Variants in HSDL1 observed in about 807,000 individuals in gnomAD.
The protein encoded by HSDL1 is inactive hydroxysteroid dehydrogenase-like protein 1.
HSDL1 carries 29 observed loss-of-function variants against 31.5 expected under a neutral mutation model. The observed-to-expected ratio is 0.92, with a 90% CI of 0.69 to 1.26. The LOEUF is 1.26. Ranked by LOEUF, HSDL1 falls within the 50% of genes most tolerant of loss-of-function variation. The probability of loss-of-function intolerance (pLI) is 0.00; values close to 1 mark genes in which losing one functional copy is unlikely to be tolerated. For missense variants in HSDL1, 503 were observed against 416.6 expected, an observed-to-expected ratio of 1.21 and a Z score of -1.81; for synonymous variants, 222 against 155.2, an observed-to-expected ratio of 1.43 and a Z score of -3.20.
Position 84,124,687 on chromosome 16 carries a change from C to A in HSDL1, c.936G>T (p.Trp312Cys). 6.2e-7 allele frequency: 1 copy of A among 1,613,784 alleles called. No individual in the cohort carries two copies. The highest frequency in any genetic ancestry group is 1.1e-5 in the South Asian group (1 of 91,050). Residue 312 changes from tryptophan (W) to cysteine (C), a missense_variant, in exon 6 of 6, where the codon TGG becomes TGT. Coordinates refer to ENST00000219439, the MANE Select transcript of HSDL1 (RefSeq NM_031463.5). ...GTGAACGGTTGAGAATATTTGCTCC[C>A]CACACCCAGAGCCATTCAGGCATAT... is the stretch of plus-strand genomic sequence containing the variant. ...AQYMPEWLWV[W>C]GANILNRSLR...
chr16:84,136,783 T>G (rs1469893276), intron 1 of HSDL1, among the ~76,000 whole-genome samples: 1 of 152,236 alleles, frequency 6.6e-6, no homozygotes, highest in Non-Finnish European at 1.5e-5. Context: ...TGTTGCTATG[T>G]ATATTTTAAA....
intron 1 of HSDL1, among the ~76,000 whole-genome samples, chr16:84,138,508 T>C (rs190025694): frequency 1.3e-4 from 20 of 152,342 alleles, no homozygotes; most frequent in African/African-American, 4.3e-4. Flanking sequence ...AGGTGATGAA[T>C]GTGTTAACTA....
intron 1 of HSDL1, among the ~76,000 whole-genome samples, chr16:84,141,090 C>CAAAAAAAA (rs553224060): frequency 2.2e-5 from 3 of 136,132 alleles, no homozygotes; most frequent in African/African-American, 1.1e-4. Context: ...GACTCCGTCT[C>CAAAAAAAA]AAACAAAAAA....
rs753618067 is a variant in HSDL1 at position 84,129,614 on chromosome 16, T to A, written c.828A>T (p.Ala276=). Residue 276 remains alanine, a synonymous_variant, in exon 5 of 6, where the codon GCA becomes GCT. Coordinates refer to ENST00000219439, the MANE Select transcript of HSDL1 (RefSeq NM_031463.5). ...SWLVPSPKVY[A]HHAVSTLGIS... is the part of the protein sequence containing the mutation. ...TCCCAAGAGTAGAAACAGCATGATG[T>A]GCATAGACTTTTGGCGAAGGCACCA... The A allele has an allele frequency of 3.7e-6, 6 of 1,614,208 alleles. No homozygotes were observed. The highest frequency in any genetic ancestry group is 5.1e-6 in the Non-Finnish European group (6 of 1,180,048).
intron 1 of HSDL1, among the ~76,000 whole-genome samples, chr16:84,143,827 T>C (rs2086798267): frequency 7.0e-6 from 1 of 143,408 alleles, no homozygotes; most frequent in Non-Finnish European, 1.5e-5. Flanking sequence ...CGAAACCCCG[T>C]CTCTACTAAA....
intron 5 of HSDL1, among the ~76,000 whole-genome samples, chr16:84,128,582 T>C (rs1057280512): frequency 1.3e-5 from 2 of 152,218 alleles, no homozygotes; most frequent in African/African-American, 4.8e-5. Flanking sequence ...TGTGGTTTTG[T>C]GGTTTTTTTG....
intron 1 of HSDL1, among the ~76,000 whole-genome samples, chr16:84,141,390 A>T (rs572260416): frequency 6.7e-6 from 1 of 150,348 alleles, no homozygotes; most frequent in East Asian, 2.0e-4. Flanking sequence ...CTGCTGGTTC[A>T]GATACACCAC....
Position 84,131,258 on chromosome 16 carries a change from T to C in HSDL1, c.64A>G (p.Met22Val). ...GCTCCAACCAAAGCTAGAGCTTCCA[T>C]ATAGCAATTGCAAGACCTGGCGATT... is the stretch of plus-strand genomic sequence containing the variant. Reference protein sequence around the residue: ...REIARSCNCYMEALALVGAWY... With the variant: ...REIARSCNCYVEALALVGAWY... Residue 22 changes from methionine (M) to valine (V), a missense_variant, in exon 3 of 6, where the codon ATG becomes GTG. Met to Val is a conservative substitution (Grantham distance 21, BLOSUM62 1). Coordinates refer to ENST00000219439, the MANE Select transcript of HSDL1 (RefSeq NM_031463.5). 2 of 1,614,136 alleles carry C rather than the reference T, an allele frequency of 1.2e-6. No homozygotes were observed. The highest frequency in any genetic ancestry group is 1.7e-6 in the Non-Finnish European group (2 of 1,180,014).
In HSDL1 at chr16:84,131,131, T is replaced by C. The variant is rs776607024; in HGVS notation, c.191A>G (p.Lys64Arg). 13 of 1,613,918 alleles carry C rather than the reference T, an allele frequency of 8.1e-6. No individual in the cohort carries two copies. Among genetic ancestry groups the C allele is most frequent in the Middle Eastern group, 1.6e-4 (1 of 6,084 alleles). Reference sequence around the variant, plus strand: ...GACAACGGCCCATCTTCCATACTGCTTGATCAAGTCTGCTCTGCTCCCCAG... The same window carrying C: ...GACAACGGCCCATCTTCCATACTGCCTGATCAAGTCTGCTCTGCTCCCCAG... ...PRLGSRADLIKQYGRWAVVSG... is the reference protein window; with the variant it reads ...PRLGSRADLIRQYGRWAVVSG... The change falls in exon 3 of 6, where the codon AAG becomes AGG. Residue 64 changes from lysine to arginine, a missense_variant. Transcript: ENST00000219439.
At chr16:84,126,670 G>A (rs982011000) in intron 5 of HSDL1, among the ~76,000 whole-genome samples, 1 of 152,138 alleles carries the variant, frequency 6.6e-6, no homozygotes, top group Non-Finnish European at 1.5e-5. Flanking sequence ...AATGATAATA[G>A]AGGTCATTCA....
At chr16:84,129,062 T>C (rs2086635969) in intron 5 of HSDL1, among the ~76,000 whole-genome samples, 1 of 152,190 alleles carries the variant, frequency 6.6e-6, no homozygotes, top group Non-Finnish European at 1.5e-5. Flanking sequence ...TTGAAAATTC[T>C]TAAGGTAATA....
At position 84,140,885 on chromosome 16, in the gene HSDL1, C is replaced by T. The variant is rs554545624; in HGVS notation, c.-69+4195G>A. ...TTGGGAGGCCGAGGCGGGCGGATCACGAGGTCAGGAGATCGAGACCACGGT... is the reference window on the plus strand; with the variant it reads ...TTGGGAGGCCGAGGCGGGCGGATCATGAGGTCAGGAGATCGAGACCACGGT... On this transcript the variant is annotated intron_variant, in intron 1 of 5. Transcript: ENST00000219439. 6.6e-5 allele frequency among the ~76,000 whole-genome samples: 10 copies of T among 152,152 alleles called. No homozygotes were observed. In the South Asian group the frequency reaches 1.9e-3, roughly 28 times the overall value.
chr16:84,144,093 TC>T (rs1411071445), intron 1 of HSDL1, among the ~76,000 whole-genome samples: 1 of 137,510 alleles, frequency 7.3e-6, no homozygotes, highest in Non-Finnish European at 1.5e-5. Flanking sequence ...TCTCTCTCTC[TC>T]CTGTGGCGGT....
At chr16:84,131,747 C>G (rs181533281) in intron 2 of HSDL1, among the ~76,000 whole-genome samples, 12 of 150,762 alleles carry the variant, frequency 8.0e-5, no homozygotes, top group African/African-American at 2.9e-4. Context: ...GGCGCAATCT[C>G]GGCTCACTGC....
chr16:84,143,650 G>T (rs1437235362), intron 1 of HSDL1, among the ~76,000 whole-genome samples: 1 of 152,024 alleles, frequency 6.6e-6, no homozygotes, highest in Non-Finnish European at 1.5e-5. Flanking sequence ...TTAAAAAAAA[G>T]TAGCACCAAT....
At chr16:84,139,751 T>C (rs1362986899) in intron 1 of HSDL1, among the ~76,000 whole-genome samples, 2 of 152,102 alleles carry the variant, frequency 1.3e-5, no homozygotes, top group African/African-American at 4.8e-5. Context: ...AACCACTATG[T>C]GTATTCAGGA....
Position 84,124,158 on chromosome 16 carries a change from A to G in HSDL1, c.*472T>C, listed in dbSNP as rs1034209362. ...AAACAGCTAGAGCTATACAATACAC[A>G]CAGATTTTTCCTAATAGTACCAGCA... On this transcript the variant is annotated 3_prime_UTR_variant, in exon 6 of 6. Coordinates refer to ENST00000219439, the MANE Select transcript of HSDL1 (RefSeq NM_031463.5). 6.1e-6 allele frequency: 1 copy of G among 163,004 alleles called. No homozygotes were observed. The highest frequency in any genetic ancestry group is 1.3e-5 in the Non-Finnish European group (1 of 74,206). The allele number at this position is 163,004 out of a possible 1,614,324, so 10.1% of individuals were successfully genotyped here. A position where few individuals can be genotyped will look rare whatever the true frequency, so the allele number is the denominator to read the frequency against.
intron 5 of HSDL1, among the ~76,000 whole-genome samples, chr16:84,127,373 G>T (rs118164161): frequency 0.014 from 2,100 of 151,640 alleles, 23 homozygotes; most frequent in Non-Finnish European, 0.023. Context: ...GCACCACCAT[G>T]ACCAGTTAAT....
intron 2 of HSDL1, among the ~76,000 whole-genome samples, chr16:84,133,592 T>C (rs184668883): frequency 7.2e-4 from 110 of 152,298 alleles, no homozygotes; most frequent in Non-Finnish European, 1.3e-3. Context: ...TAGCTGGGCA[T>C]GGTGGTGGGC....
Sources: allele counts gnomAD v4.1 joint callset (sites outside exome capture counted in the v4.1 genomes callset), GRCh38; gene constraint gnomAD v4.1.1; transcripts MANE v1.5; gene names NCBI Gene and HGNC (gene_info 2026-07-23, HGNC 2026-07-21).